The following ARHGEF12 variants were observed in gnomAD, a reference collection of about 807,000 sequenced individuals.
The protein encoded by ARHGEF12 is KMT2A/ARHGEF12 fusion protein.
A neutral mutation model predicts 211.2 loss-of-function variants in ARHGEF12; 66 were observed. That is an observed-to-expected ratio of 0.31 (90% CI 0.26 to 0.38). The LOEUF (loss-of-function observed/expected upper bound fraction) is 0.38, where lower values mean the gene tolerates loss of function less well. ARHGEF12 is among the 10% of genes least tolerant of loss of function. The pLI, the probability that ARHGEF12 is intolerant of heterozygous loss-of-function variation, is 1.00. For synonymous variants in ARHGEF12, 592 were observed against 638.4 expected (o/e 0.93, Z 1.09); for missense variants, 1,429 against 1,869.5 (o/e 0.76, Z 4.34).
rs1182312862 is a variant in ARHGEF12 at position 120,337,232 on chromosome 11, C to T, written c.-12C>T. 1 of 1,614,158 alleles carries T rather than the reference C, an allele frequency of 6.2e-7. No homozygotes were observed. Among genetic ancestry groups the T allele is most frequent in the Admixed American group, 1.7e-5 (1 of 60,026 alleles). On this transcript the variant is annotated 5_prime_UTR_variant, in exon 1 of 41. Coordinates refer to ENST00000397843, the MANE Select transcript of ARHGEF12 (RefSeq NM_015313.3). ...AGTTGGATAAAAGGAGGACCTCTCG[C>T]CAAGGGCCCCAATGAGTGGCACACA...
At position 120,485,203 on chromosome 11, in the gene ARHGEF12, G is replaced by A; in HGVS notation, c.*126G>A. On this transcript the variant is annotated 3_prime_UTR_variant, in exon 41 of 41. Transcript: ENST00000397843. The stretch of plus-strand genomic sequence containing the variant: ...GAGGATCTGCCTGTGAACCACCTGG[G>A]ATTAGTCAAGTCCCAAGGTGCCCAG... The A allele has an allele frequency of 8.1e-7, 1 of 1,238,842 alleles. No individual in the cohort carries two copies. Among genetic ancestry groups the A allele is most frequent in the Non-Finnish European group, 1.2e-6 (1 of 860,296 alleles). 76.7% of individuals were successfully genotyped at this position (1,238,842 alleles called of 1,614,324 possible). A position where few individuals can be genotyped will look rare whatever the true frequency, so the allele number is the denominator to read the frequency against.
rs373112622 is a variant in ARHGEF12 at position 120,451,763 on chromosome 11, G to T, written c.2056+39G>T. 2.8e-5 allele frequency: 44 copies of T among 1,567,972 alleles called. No individual in the cohort carries two copies. The African/African-American group carries it at 5.3e-4, about 19-fold the overall frequency. On this transcript the variant is annotated intron_variant, in intron 22 of 40. Coordinates refer to ENST00000397843, the MANE Select transcript of ARHGEF12 (RefSeq NM_015313.3). The stretch of plus-strand genomic sequence containing the variant: ...GTAGTTCAGCTTAACTAAGCATCAA[G>T]ATTTTAAAACAAACACACTAACTGA...
chr11:120,347,208 T>TTCTTTCTTTC (rs1942785725), intron 1 of ARHGEF12, among the ~76,000 whole-genome samples: 1 of 111,900 alleles, frequency 8.9e-6, no homozygotes, highest in Non-Finnish European at 2.0e-5. Flanking sequence ...TTCTTTCTCT[T>TTCTTTCTTTC]TCTTTTTCTT....
At chr11:120,430,534 G>A (rs1052619489) in intron 10 of ARHGEF12, among the ~76,000 whole-genome samples, 1 of 152,158 alleles carries the variant, frequency 6.6e-6, no homozygotes, top group Non-Finnish European at 1.5e-5. Context: ...GCATTTATAT[G>A]TTAACCAGAC....
At chr11:120,388,889 T>C (rs1390316079) in intron 1 of ARHGEF12, among the ~76,000 whole-genome samples, 2 of 151,910 alleles carry the variant, frequency 1.3e-5, no homozygotes, top group Non-Finnish European at 2.9e-5. Context: ...TGCGACAGAG[T>C]TTTGCTCTTG....
intron 4 of ARHGEF12, among the ~76,000 whole-genome samples, chr11:120,415,192 G>A (rs1944994581): frequency 6.6e-6 from 1 of 152,052 alleles, no homozygotes; most frequent in African/African-American, 2.4e-5. Flanking sequence ...TTTAATTAAT[G>A]AAATTTGAAG....
intron 2 of ARHGEF12, among the ~76,000 whole-genome samples, chr11:120,406,485 C>G (rs559043588): frequency 3.2e-4 from 48 of 152,080 alleles, no homozygotes; most frequent in South Asian, 8.3e-4. Flanking sequence ...TGTTTTATCA[C>G]TTGTGTGACT....
At chr11:120,383,180 G>T (rs1164312608) in intron 1 of ARHGEF12, among the ~76,000 whole-genome samples, 1 of 152,046 alleles carries the variant, frequency 6.6e-6, no homozygotes, top group Non-Finnish European at 1.5e-5. Context: ...AGAGCCAGGT[G>T]TTGGTGAAGG....
intron 27 of ARHGEF12, among the ~76,000 whole-genome samples, chr11:120,461,643 C>G (rs1405323326): frequency 2.0e-5 from 3 of 152,166 alleles, no homozygotes; most frequent in African/African-American, 7.2e-5. Flanking sequence ...TATGAAAGTT[C>G]TAGATGGCAT....
At chr11:120,392,724 A>G (rs1944258529) in intron 1 of ARHGEF12, among the ~76,000 whole-genome samples, 1 of 152,230 alleles carries the variant, frequency 6.6e-6, no homozygotes, top group Non-Finnish European at 1.5e-5. Context: ...TTAAAGATGA[A>G]TGCGAAGTAG....
intron 23 of ARHGEF12, 134 bp from the exon 24 acceptor site, chr11:120,457,587 T>A: frequency 3.4e-6 from 2 of 594,130 alleles, no homozygotes; most frequent in Admixed American, 7.2e-5. Context: ...ATTTATTTTA[T>A]ATTAAATTAT....
At chr11:120,457,871 G>A (rs1946412810) in intron 24 of ARHGEF12, 115 bp downstream of exon 24, 2 of 1,236,332 alleles carry the variant, frequency 1.6e-6, no homozygotes, top group Non-Finnish European at 1.1e-6. Context: ...CTGTTATGTA[G>A]TATAAAAGAA....
chr11:120,417,222 A>G (rs1354474186), intron 4 of ARHGEF12, among the ~76,000 whole-genome samples: 1 of 152,088 alleles, frequency 6.6e-6, no homozygotes, highest in Non-Finnish European at 1.5e-5. Flanking sequence ...ATCTGAAAAA[A>G]GGTCTATTTA....
At position 120,480,395 on chromosome 11, in the gene ARHGEF12, A is replaced by G; in HGVS notation, c.4202A>G (p.Asn1401Ser). 1 of 1,612,852 alleles carries G rather than the reference A, an allele frequency of 6.2e-7. No homozygotes were observed. Among genetic ancestry groups the G allele is most frequent in the Non-Finnish European group, 8.5e-7 (1 of 1,179,236 alleles). The change falls in exon 38 of 41, where the codon AAC becomes AGC. Residue 1401 changes from asparagine (N) to serine (S), a missense_variant. Physicochemically the swap from Asn to Ser is conservative, Grantham distance 46. This residue lies in a region of ARHGEF12 where 467 missense variants were observed against 468.4 expected (regional missense o/e 1.00). Coordinates refer to ENST00000397843, the MANE Select transcript of ARHGEF12 (RefSeq NM_015313.3). ...ENPSEGDGAVNKEEKDVNLRI... is the reference protein window; with the variant it reads ...ENPSEGDGAVSKEEKDVNLRI... ...CCATCAGAAGGTGATGGAGCAGTTA[A>G]CAAGGAAGAGAAGGATGTTAATTTA... is the stretch of plus-strand genomic sequence containing the variant.
intron 1 of ARHGEF12, among the ~76,000 whole-genome samples, chr11:120,395,085 A>T: frequency 6.6e-6 from 1 of 151,096 alleles, no homozygotes; most frequent in East Asian, 1.9e-4. Flanking sequence ...AAAAAAGATA[A>T]GGGAGCATTA....
chr11:120,471,259 A>G (rs916188957), intron 30 of ARHGEF12, among the ~76,000 whole-genome samples: 6 of 152,228 alleles, frequency 3.9e-5, no homozygotes, highest in African/African-American at 1.4e-4. Flanking sequence ...TAGTTATAAA[A>G]TAGAATGCCC....
At chr11:120,458,697 C>T (rs1946435148) in intron 25 of ARHGEF12, 1 of 169,084 alleles carries the variant, frequency 5.9e-6, no homozygotes, top group Admixed American at 5.9e-5. Flanking sequence ...GTGCTGTACC[C>T]TTTACTATCC....
chr11:120,476,978 G>T lies in ARHGEF12; in HGVS notation c.3365+230G>T. 5.1e-6 allele frequency: 3 copies of T among 583,824 alleles called. No homozygotes were observed. The South Asian group carries it at 7.7e-5, about 15-fold the overall frequency. 36.2% of individuals were successfully genotyped at this position (583,824 alleles called of 1,614,324 possible). On this transcript the variant is annotated intron_variant, in intron 34 of 40. Coordinates refer to ENST00000397843, the MANE Select transcript of ARHGEF12 (RefSeq NM_015313.3). ...GAAAAAATTGTGCAAAATGTCAAGT[G>T]AAGTTTTTTTAATGTGTCCATAGAT...
At chr11:120,419,051 C>G (rs1404688679) in intron 4 of ARHGEF12, among the ~76,000 whole-genome samples, 1 of 151,712 alleles carries the variant, frequency 6.6e-6, no homozygotes. Flanking sequence ...GACCCGCCTC[C>G]CAGGTTCACG....
Sources: allele counts gnomAD v4.1 joint callset (sites outside exome capture counted in the v4.1 genomes callset), GRCh38; gene constraint gnomAD v4.1.1; regional missense constraint gnomAD v4.1.1; transcripts MANE v1.5; gene names NCBI Gene and HGNC (gene_info 2026-07-23, HGNC 2026-07-21).